Variants in ACOT12 observed in about 807,000 individuals in gnomAD.
ACOT12 encodes acetyl-coenzyme A thioesterase.
Under a neutral mutation model 67.7 loss-of-function variants are expected in ACOT12, and 51 were observed. The observed-to-expected ratio is 0.75, with a 90% CI of 0.60 to 0.95. The LOEUF is 0.95. Among genes scored for constraint, ACOT12 ranks in the 40% least tolerant of loss-of-function variants. The pLI is 0.00. For synonymous variants in ACOT12, 251 were observed against 244.6 expected, an observed-to-expected ratio of 1.03 and a Z score of -0.24; for missense variants, 734 against 708.1, an observed-to-expected ratio of 1.04 and a Z score of -0.41.
intron 8 of ACOT12, among the ~76,000 whole-genome samples, 190 bp from the exon 9 acceptor site, chr5:81,344,405 A>G (rs1306593523): frequency 6.6e-6 from 1 of 152,208 alleles, no homozygotes. Flanking sequence ...GCACTGACAA[A>G]GGTGCAATCT....
chr5:81,321,483 T>C, the ACOT12 span, among the ~76,000 whole-genome samples: 4 of 152,060 alleles, frequency 2.6e-5, no homozygotes, highest in South Asian at 2.1e-4. Flanking sequence ...ACCATAGCCA[T>C]TCATATATTT....
the ACOT12 span, among the ~76,000 whole-genome samples, chr5:81,321,819 T>C: frequency 6.6e-6 from 1 of 151,974 alleles, no homozygotes; most frequent in Non-Finnish European, 1.5e-5. Context: ...TGGTGGTGCA[T>C]GCCTGTAGTC....
intron 12 of ACOT12, among the ~76,000 whole-genome samples, chr5:81,334,129 A>G (rs1250530427): frequency 6.6e-6 from 1 of 152,146 alleles, no homozygotes; most frequent in African/African-American, 2.4e-5. Flanking sequence ...CTGGCTCCCC[A>G]TCCATCTTGC....
downstream of ACOT12, among the ~76,000 whole-genome samples, chr5:81,329,347 C>A (rs1193646110): frequency 6.6e-6 from 1 of 152,006 alleles, no homozygotes; most frequent in Non-Finnish European, 1.5e-5. Flanking sequence ...TATTTTAATC[C>A]ACATATCCAC....
chr5:81,393,916 C>T lies in ACOT12; in HGVS notation c.127+72G>A, dbSNP rs898032322. On this transcript the variant is annotated intron_variant, in intron 1 of 14. Coordinates refer to ENST00000307624, the MANE Select transcript of ACOT12 (RefSeq NM_130767.3). Reference sequence around the variant, plus strand: ...AGTACCTTCCTCGCCTTCCTACCCCCCCCAGCCCCCAGCCGCCGCCGCTCC... The same window carrying T: ...AGTACCTTCCTCGCCTTCCTACCCCTCCCAGCCCCCAGCCGCCGCCGCTCC... 2.3e-5 allele frequency: 29 copies of T among 1,273,492 alleles called. No individual in the cohort carries two copies. The East Asian group carries it at 2.3e-4, about 10-fold the overall frequency. The allele number at this position is 1,273,492 out of a possible 1,614,324, so 78.9% of individuals were successfully genotyped here. A position where few individuals can be genotyped will look rare whatever the true frequency, so the allele number is the denominator to read the frequency against.
intron 6 of ACOT12, 79 bp downstream of exon 6, chr5:81,347,695 C>T (rs2153850087): frequency 6.7e-7 from 1 of 1,491,504 alleles, no homozygotes; most frequent in East Asian, 2.3e-5. Context: ...CTTGACTATC[C>T]CAAGAACTGG....
At chr5:81,339,272 G>T (rs1278239181) in intron 11 of ACOT12, among the ~76,000 whole-genome samples, 1 of 152,200 alleles carries the variant, frequency 6.6e-6, no homozygotes, top group African/African-American at 2.4e-5. Context: ...GGGTCGGAAG[G>T]GCGGAGCTCT....
rs754036561 is a variant in ACOT12 at position 81,363,810 on chromosome 5, G to T, written c.338C>A (p.Ala113Asp). ...TACCTTTTCTTTTCCAACTGGTTTG[G>T]CTACAAATGTGGAGAAAGCCACACT... ...LVSVAFSTFV[A>D]KPVGKEKIHL... Residue 113 changes from alanine (A) to aspartate (D), a missense_variant, in exon 4 of 15, where the codon GCC becomes GAC. By Grantham distance (126) the Ala-to-Asp change is moderately radical (BLOSUM62 -2). Transcript: ENST00000307624. 1.2e-6 allele frequency: 2 copies of T among 1,609,582 alleles called. No individual in the cohort carries two copies. Among genetic ancestry groups the T allele is most frequent in the African/African-American group, 1.3e-5 (1 of 74,590 alleles).
chr5:81,375,935 CAG>C (rs879281426), intron 2 of ACOT12, among the ~76,000 whole-genome samples: 7 of 152,166 alleles, frequency 4.6e-5, no homozygotes, highest in South Asian at 4.1e-4. Context: ...ATCAATGAGA[CAG>C]AAAATTAACA....
At chr5:81,374,950 A>C (rs1418241749) in intron 2 of ACOT12, among the ~76,000 whole-genome samples, 1 of 152,218 alleles carries the variant, frequency 6.6e-6, no homozygotes, top group Non-Finnish European at 1.5e-5. Flanking sequence ...TCCCCAACCT[A>C]GCAAGACAGG....
intron 1 of ACOT12, among the ~76,000 whole-genome samples, chr5:81,392,946 T>C (rs1470803649): frequency 6.6e-6 from 1 of 152,254 alleles, no homozygotes; most frequent in East Asian, 1.9e-4. Context: ...ACATTAATTG[T>C]ATGGGACCAG....
chr5:81,312,170 G>A, the ACOT12 span, among the ~76,000 whole-genome samples: 2 of 152,296 alleles, frequency 1.3e-5, no homozygotes. Flanking sequence ...ACAAGCAGAT[G>A]TTGTATAATT....
chr5:81,335,676 C>T, intron 12 of ACOT12, 92 bp downstream of exon 12: 1 of 1,411,934 alleles, frequency 7.1e-7, no homozygotes, highest in South Asian at 1.3e-5. Flanking sequence ...CAATGGGTCA[C>T]ACATTGGACG....
In ACOT12 at chr5:81,343,404, G is replaced by T. The variant is rs368726826; in HGVS notation, c.1044+414C>A. Among the ~76,000 whole-genome samples, 6 of 152,300 alleles carry T rather than the reference G, an allele frequency of 3.9e-5. No homozygotes were observed. The East Asian group carries it at 1.2e-3, about 29-fold the overall frequency. On this transcript the variant is annotated intron_variant, in intron 10 of 14. Transcript: ENST00000307624. ...CTGAGCAAAGACAGACTACCTTTCA[G>T]TATGACTGATAATCAATGTGTAATA...
chr5:81,371,616 C>G (rs1055015591), intron 3 of ACOT12, 134 bp downstream of exon 3: 16 of 849,224 alleles, frequency 1.9e-5, no homozygotes, highest in Middle Eastern at 2.2e-4. Flanking sequence ...TGTGACCTGA[C>G]TACACATTCC....
chr5:81,311,877 A>T, the ACOT12 span, among the ~76,000 whole-genome samples: 86 of 152,334 alleles, frequency 5.6e-4, no homozygotes, highest in African/African-American at 1.9e-3. Flanking sequence ...CTAGAATGAT[A>T]ATCCTATGTG....
chr5:81,388,000 C>G (rs1437511267), intron 1 of ACOT12, among the ~76,000 whole-genome samples: 1 of 152,026 alleles, frequency 6.6e-6, no homozygotes, highest in Non-Finnish European at 1.5e-5. Flanking sequence ...ATGACAGTTA[C>G]TTTTTATTAA....
chr5:81,323,301 A>G, the ACOT12 span, among the ~76,000 whole-genome samples: 1 of 152,150 alleles, frequency 6.6e-6, no homozygotes, highest in East Asian at 1.9e-4. Context: ...GCATACCTAG[A>G]CAGCCCTGCA....
At chr5:81,386,994 CATTTTT>C (rs1265008876) in intron 1 of ACOT12, among the ~76,000 whole-genome samples, 5 of 128,472 alleles carry the variant, frequency 3.9e-5, no homozygotes, top group Admixed American at 7.9e-5. Context: ...GGATGAGTTC[CATTTTT>C]TTTTTTTTTT....
Sources: allele counts gnomAD v4.1 joint callset (sites outside exome capture counted in the v4.1 genomes callset), GRCh38; gene constraint gnomAD v4.1.1; transcripts MANE v1.5; gene names NCBI Gene and HGNC (gene_info 2026-07-23, HGNC 2026-07-21).